UBE2R2: variants seen among roughly 807,000 people sequenced by gnomAD.
UBE2R2 encodes the protein ubiquitin conjugating enzyme E2 R2.
In UBE2R2, 1 loss-of-function variant was observed where a neutral mutation model predicts 27.8. The ratio of observed to expected loss-of-function variants is 0.04; its 90% CI spans 0.01 to 0.17. UBE2R2 has a LOEUF of 0.17. UBE2R2 is among the 10% of genes least tolerant of loss of function. UBE2R2 has a pLI of 1.00. For missense variants in UBE2R2, 100 were observed against 291.0 expected (o/e 0.34, Z 4.78); for synonymous variants, 106 against 113.3 (o/e 0.94, Z 0.41).
At chr9:33,862,835 G>A (rs1260674446) in intron 1 of UBE2R2, among the ~76,000 whole-genome samples, 10 of 150,882 alleles carry the variant, frequency 6.6e-5, no homozygotes, top group Admixed American at 6.6e-4. Flanking sequence ...TTGTTATATA[G>A]AATTGTTTAA....
intron 1 of UBE2R2, among the ~76,000 whole-genome samples, chr9:33,825,947 A>G (rs1212197605): frequency 1.3e-5 from 2 of 152,130 alleles, no homozygotes; most frequent in African/African-American, 4.8e-5. Context: ...GTTCAAGACC[A>G]GCATAGCCAA....
chr9:33,874,173 C>T (rs758249111), intron 1 of UBE2R2, among the ~76,000 whole-genome samples: 2 of 151,760 alleles, frequency 1.3e-5, no homozygotes, highest in Admixed American at 6.6e-5. Flanking sequence ...GTGTTGAACT[C>T]CTGACTTCAA....
chr9:33,914,288 T>C (rs1822579240), intron 4 of UBE2R2, among the ~76,000 whole-genome samples: 1 of 152,218 alleles, frequency 6.6e-6, no homozygotes, highest in Admixed American at 6.5e-5. Flanking sequence ...ACCAATACTT[T>C]TTCAGGTGAA....
intron 2 of UBE2R2, among the ~76,000 whole-genome samples, chr9:33,890,395 C>T (rs1262458854): frequency 2.6e-5 from 4 of 152,042 alleles, no homozygotes; most frequent in Non-Finnish European, 5.9e-5. Flanking sequence ...GGTGAAACCC[C>T]GTCTTTACTA....
chr9:33,832,794 C>G (rs1359340110), intron 1 of UBE2R2, among the ~76,000 whole-genome samples: 1 of 151,442 alleles, frequency 6.6e-6, no homozygotes, highest in Non-Finnish European at 1.5e-5. Flanking sequence ...TTTAAGTAGT[C>G]AGGTTTATGG....
intron 1 of UBE2R2, among the ~76,000 whole-genome samples, chr9:33,841,257 A>AT (rs1820727230): frequency 6.6e-6 from 1 of 151,942 alleles, no homozygotes. Context: ...TTTTTGGATT[A>AT]TTAGTAGAGA....
At chr9:33,818,102 G>A (rs1825858311) in intron 1 of UBE2R2, among the ~76,000 whole-genome samples, 168 bp downstream of exon 1, 1 of 151,724 alleles carries the variant, frequency 6.6e-6, no homozygotes, top group Non-Finnish European at 1.5e-5. Context: ...CTTGCTCGCC[G>A]AGTGCCTTTT....
At chr9:33,849,667 C>T (rs200350345) in intron 1 of UBE2R2, among the ~76,000 whole-genome samples, 1 of 145,428 alleles carries the variant, frequency 6.9e-6, no homozygotes, top group East Asian at 2.0e-4. Context: ...GCCTGGACAA[C>T]ATGGTGAAAC....
At chr9:33,849,823 C>T (rs1022211327) in intron 1 of UBE2R2, among the ~76,000 whole-genome samples, 19 of 151,868 alleles carry the variant, frequency 1.3e-4, no homozygotes, top group African/African-American at 4.4e-4. Flanking sequence ...GATCTTACTA[C>T]TGCGCTCCAG....
chr9:33,898,455 A>G (rs1464720187), intron 2 of UBE2R2, among the ~76,000 whole-genome samples: 2 of 150,380 alleles, frequency 1.3e-5, no homozygotes, highest in Non-Finnish European at 3.0e-5. Context: ...TTAGAATATA[A>G]TATTTTGTAT....
At chr9:33,872,617 T>A (rs1006572576) in intron 1 of UBE2R2, among the ~76,000 whole-genome samples, 1 of 151,816 alleles carries the variant, frequency 6.6e-6, no homozygotes, top group Non-Finnish European at 1.5e-5. Context: ...AGAAACCCCG[T>A]CTCTACTAAA....
chr9:33,824,835 A>G (rs1448897924), intron 1 of UBE2R2, among the ~76,000 whole-genome samples: 5 of 151,730 alleles, frequency 3.3e-5, no homozygotes, highest in South Asian at 2.1e-4. Context: ...CTTGGAATCC[A>G]TGAAGTCTTG....
At chr9:33,865,835 GT>G (rs1266518240) in intron 1 of UBE2R2, among the ~76,000 whole-genome samples, 35 of 137,004 alleles carry the variant, frequency 2.6e-4, no homozygotes, top group Admixed American at 2.9e-4. Context: ...GTTTTTTTTT[GT>G]TTTTTTTTTT....
chr9:33,875,929 TTA>T (rs1429311525), intron 1 of UBE2R2, among the ~76,000 whole-genome samples: 1 of 152,258 alleles, frequency 6.6e-6, no homozygotes, highest in Non-Finnish European at 1.5e-5. Context: ...TAATAGCAAG[TTA>T]TATCTTATTT....
At chr9:33,857,437 A>G (rs1821132381) in intron 1 of UBE2R2, among the ~76,000 whole-genome samples, 1 of 151,942 alleles carries the variant, frequency 6.6e-6, no homozygotes, top group Non-Finnish European at 1.5e-5. Flanking sequence ...TCCTGCCTCA[A>G]CTTCCCAAGT....
At chr9:33,865,300 G>C (rs923367711) in intron 1 of UBE2R2, among the ~76,000 whole-genome samples, 1 of 152,004 alleles carries the variant, frequency 6.6e-6, no homozygotes, top group African/African-American at 2.4e-5. Context: ...CCACCTCCTG[G>C]GTTCAGCGAT....
intron 1 of UBE2R2, chr9:33,818,890 A>G (rs1020833732): frequency 9.2e-5 from 14 of 152,334 alleles, no homozygotes; most frequent in Admixed American, 4.6e-4. Flanking sequence ...GACCACAGAC[A>G]TTGTTTCTGT....
At chr9:33,881,533 T>C (rs562477802) in intron 1 of UBE2R2, among the ~76,000 whole-genome samples, 2 of 152,226 alleles carry the variant, frequency 1.3e-5, no homozygotes, top group Non-Finnish European at 2.9e-5. Context: ...CTGTATTTAG[T>C]TGTCCCGTCT....
Position 33,850,161 on chromosome 9 carries a change from A to G in UBE2R2, c.177+32227A>G, listed in dbSNP as rs572841798. ...TGAGAGAAGTACGTGGGGCATGGCA[A>G]GCAGAAACTAAATATGCTATCAGAA... On this transcript the variant is annotated intron_variant, in intron 1 of 4. Transcript: ENST00000263228. Among the ~76,000 whole-genome samples, 3 of 152,256 alleles carry G rather than the reference A, an allele frequency of 2.0e-5. No homozygotes were observed. In the East Asian group the frequency reaches 5.8e-4, roughly 29 times the overall value.
Sources: gnomAD v4.1 joint callset for allele counts (sites outside exome capture counted in the v4.1 genomes callset) on GRCh38, gnomAD v4.1.1 for gene constraint, MANE v1.5 for transcripts, NCBI Gene and HGNC (gene_info 2026-07-23, HGNC 2026-07-21) for gene names.